Variants in ACYP2 observed in about 807,000 individuals in gnomAD.
ACYP2 encodes the protein acylphosphatase 2, also known as acylphosphatase-2.
Under a neutral mutation model 11.2 loss-of-function variants are expected in ACYP2, and 12 were observed. The observed-to-expected ratio is 1.08, with a 90% CI of 0.69 to 1.74. The LOEUF (loss-of-function observed/expected upper bound fraction) is 1.74, where lower values mean the gene tolerates loss of function less well. ACYP2 is among the 40% of genes most tolerant of loss of function. The probability of loss-of-function intolerance (pLI) is 0.00; values close to 1 mark genes in which losing one functional copy is unlikely to be tolerated. For missense variants in ACYP2, 134 were observed against 101.9 expected, an observed-to-expected ratio of 1.31 and a Z score of -1.35; for synonymous variants, 43 against 32.2, an observed-to-expected ratio of 1.33 and a Z score of -1.13.
At chr2:54,189,632 C>T (rs1684153203) in intron 6 of ACYP2, among the ~76,000 whole-genome samples, 1 of 152,040 alleles carries the variant, frequency 6.6e-6, no homozygotes, top group Non-Finnish European at 1.5e-5. Context: ...GATTGTTTCT[C>T]TATCTTGGCT....
Position 54,267,276 on chromosome 2 carries a change from A to G in ACYP2, c.405-37412A>G, listed in dbSNP as rs986665189. On this transcript the variant is annotated intron_variant, in intron 6 of 6. Coordinates refer to ENST00000607452, the MANE Select transcript of ACYP2 (RefSeq NM_001320586.2). ...TATTATGTCTGAAAGGAAATTCAGA[A>G]TTTCCATTTGACTTAATAGGAATTC... 1.5e-5 allele frequency: 23 copies of G among 1,547,038 alleles called. No homozygotes were observed. In the Admixed American group the frequency reaches 1.8e-4, roughly 12 times the overall value.
chr2:54,251,120 AC>A (rs1231391015), intron 6 of ACYP2, among the ~76,000 whole-genome samples: 2 of 152,226 alleles, frequency 1.3e-5, no homozygotes, highest in African/African-American at 4.8e-5. Context: ...TAACTGAAAA[AC>A]TGTGATAAAG....
intron 4 of ACYP2, among the ~76,000 whole-genome samples, chr2:54,086,730 C>T (rs1677967691): frequency 6.6e-6 from 1 of 152,200 alleles, no homozygotes; most frequent in Admixed American, 6.5e-5. Flanking sequence ...TTGAAACAAG[C>T]GCAGACTGCT....
intron 6 of ACYP2, among the ~76,000 whole-genome samples, chr2:54,148,155 C>G (rs930093557): frequency 1.3e-5 from 2 of 152,106 alleles, no homozygotes; most frequent in Non-Finnish European, 2.9e-5. Context: ...CCACCCCAAA[C>G]AGATATCTAC....
At chr2:54,063,584 A>G (rs1017554330) in intron 4 of ACYP2, among the ~76,000 whole-genome samples, 3 of 152,212 alleles carry the variant, frequency 2.0e-5, no homozygotes, top group Admixed American at 2.0e-4. Flanking sequence ...CAGCCAGACT[A>G]TAGATTAACT....
intron 6 of ACYP2, among the ~76,000 whole-genome samples, chr2:54,155,222 T>A (rs1682375677): frequency 6.6e-6 from 1 of 152,202 alleles, no homozygotes. Context: ...TTGTCGATTT[T>A]GTTTATCTTT....
At chr2:54,205,445 CTCT>C (rs1270473786) in intron 6 of ACYP2, among the ~76,000 whole-genome samples, 1 of 152,174 alleles carries the variant, frequency 6.6e-6, no homozygotes, top group Non-Finnish European at 1.5e-5. Context: ...TTTGCATATC[CTCT>C]TATGACATCA....
chr2:54,194,885 T>C (rs1205344102), intron 6 of ACYP2, among the ~76,000 whole-genome samples: 2 of 152,206 alleles, frequency 1.3e-5, no homozygotes, highest in Non-Finnish European at 2.9e-5. Flanking sequence ...GAAGTGTATA[T>C]ATTCAGAGTT....
intron 4 of ACYP2, among the ~76,000 whole-genome samples, chr2:54,072,351 G>T (rs1431482357): frequency 6.6e-6 from 1 of 151,852 alleles, no homozygotes; most frequent in African/African-American, 2.4e-5. Flanking sequence ...CTATACCCAG[G>T]CTGGAGTGCA....
intron 6 of ACYP2, among the ~76,000 whole-genome samples, chr2:54,158,686 C>CT (rs1290177388): frequency 6.6e-6 from 1 of 152,168 alleles, no homozygotes; most frequent in Non-Finnish European, 1.5e-5. Flanking sequence ...TTTGGATTCA[C>CT]TTTTAATTAT....
At chr2:54,246,745 G>A (rs73934414) in intron 6 of ACYP2, among the ~76,000 whole-genome samples, 1,904 of 152,144 alleles carry the variant, frequency 0.013, 40 homozygotes, top group African/African-American at 0.042. Context: ...TTAAGTAATG[G>A]TGGTGACAAA....
chr2:54,083,429 G>C (rs1241612479), intron 4 of ACYP2, among the ~76,000 whole-genome samples: 1 of 152,166 alleles, frequency 6.6e-6, no homozygotes, highest in East Asian at 1.9e-4. Context: ...GAGCCGTAAA[G>C]ACTTTACTTC....
chr2:54,163,987 A>C (rs1682842881), intron 6 of ACYP2, among the ~76,000 whole-genome samples: 1 of 152,234 alleles, frequency 6.6e-6, no homozygotes, highest in Non-Finnish European at 1.5e-5. Context: ...AGTCTAGCTG[A>C]GGCAATAAAA....
At chr2:54,119,045 A>G (rs1679985128) in intron 4 of ACYP2, among the ~76,000 whole-genome samples, 1 of 113,640 alleles carries the variant, frequency 8.8e-6, no homozygotes, top group Admixed American at 9.7e-5. Context: ...TTTGAATCTT[A>G]GTAGTCTTTT....
chr2:54,038,571 CAG>C (rs1258049599), intron 2 of ACYP2, among the ~76,000 whole-genome samples: 2 of 150,666 alleles, frequency 1.3e-5, no homozygotes, highest in Non-Finnish European at 3.0e-5. Flanking sequence ...ACCTGAAGTG[CAG>C]AGTGTTCAGT....
At chr2:54,250,486 C>A (rs11893663) in intron 6 of ACYP2, among the ~76,000 whole-genome samples, 5 of 150,106 alleles carry the variant, frequency 3.3e-5, no homozygotes, top group African/African-American at 4.9e-5. Flanking sequence ...GTGGGGGGGG[C>A]GTTGAAAGTA....
chr2:54,033,242 G>A (rs529747719), intron 2 of ACYP2, among the ~76,000 whole-genome samples: 22 of 151,358 alleles, frequency 1.5e-4, no homozygotes, highest in African/African-American at 4.6e-4. Context: ...TTGTTGTCCA[G>A]GCTGGAGCAC....
chr2:54,025,013 A>G (rs2104549157), intron 2 of ACYP2, among the ~76,000 whole-genome samples: 1 of 152,328 alleles, frequency 6.6e-6, no homozygotes, highest in African/African-American at 2.4e-5. Flanking sequence ...AACAAAACAA[A>G]AAAACTTAGG....
chr2:54,298,529 A>G (rs1689606433), intron 6 of ACYP2, among the ~76,000 whole-genome samples: 1 of 152,230 alleles, frequency 6.6e-6, no homozygotes, highest in Admixed American at 6.5e-5. Flanking sequence ...ACTAGAAAGC[A>G]GATGAGCGGG....
Sources: gnomAD v4.1 joint callset for allele counts (sites outside exome capture counted in the v4.1 genomes callset) on GRCh38, gnomAD v4.1.1 for gene constraint, MANE v1.5 for transcripts, NCBI Gene and HGNC (gene_info 2026-07-23, HGNC 2026-07-21) for gene names.